The following FHIT variants were observed in gnomAD, a reference collection of about 807,000 sequenced individuals.
FHIT encodes bis(5'-adenosyl)-triphosphatase.
FHIT carries 19 observed loss-of-function variants against 17.9 expected under a neutral mutation model. That is an observed-to-expected ratio of 1.06 (90% confidence interval 0.74 to 1.56). The LOEUF (loss-of-function observed/expected upper bound fraction) is 1.56. Among genes scored for constraint, FHIT ranks in the 40% most tolerant of loss-of-function variants. FHIT has a pLI of 0.00. For missense variants in FHIT, 248 were observed against 189.2 expected, an observed-to-expected ratio of 1.31 and a Z score of -1.82; for synonymous variants, 81 against 69.7, an observed-to-expected ratio of 1.16 and a Z score of -0.81.
At chr3:60,502,247 A>C (rs879915585) in intron 5 of FHIT, among the ~76,000 whole-genome samples, 5 of 152,158 alleles carry the variant, frequency 3.3e-5, no homozygotes, top group Admixed American at 3.3e-4. Flanking sequence ...TAATCCCAGC[A>C]GCCTGGGAAA....
intron 5 of FHIT, among the ~76,000 whole-genome samples, chr3:60,245,211 C>A (rs1705331323): frequency 2.6e-5 from 4 of 151,978 alleles, no homozygotes; most frequent in Admixed American, 2.6e-4. Context: ...TACTTTATAT[C>A]TAAAATTATC....
intron 5 of FHIT, among the ~76,000 whole-genome samples, chr3:60,518,530 T>A (rs1244556992): frequency 2.0e-5 from 3 of 152,226 alleles, no homozygotes; most frequent in Non-Finnish European, 4.4e-5. Context: ...AACTTCCGAA[T>A]GTTCATCCAT....
chr3:60,937,486 A>G (rs1263697345), intron 3 of FHIT, among the ~76,000 whole-genome samples: 1 of 151,760 alleles, frequency 6.6e-6, no homozygotes, highest in Non-Finnish European at 1.5e-5. Context: ...TGATGAGAAA[A>G]ATATGTGAGC....
intron 8 of FHIT, among the ~76,000 whole-genome samples, chr3:59,756,439 G>GTCAA (rs1701223486): frequency 6.6e-6 from 1 of 152,084 alleles, no homozygotes; most frequent in South Asian, 2.1e-4. Flanking sequence ...TGTGGTGGAG[G>GTCAA]TCAAAGGTAG....
At chr3:60,367,726 A>C (rs567880993) in intron 5 of FHIT, among the ~76,000 whole-genome samples, 2 of 152,306 alleles carry the variant, frequency 1.3e-5, no homozygotes, top group African/African-American at 4.8e-5. Flanking sequence ...ACAGTGGATG[A>C]ATTTTAACAA....
chr3:60,324,766 T>A (rs1709607121), intron 5 of FHIT, among the ~76,000 whole-genome samples: 1 of 152,164 alleles, frequency 6.6e-6, no homozygotes, highest in Non-Finnish European at 1.5e-5. Context: ...GCTCTTTGCT[T>A]CCTTTAAGGT....
chr3:60,508,241 G>A (rs934864017), intron 5 of FHIT, among the ~76,000 whole-genome samples: 9 of 152,156 alleles, frequency 5.9e-5, no homozygotes, highest in African/African-American at 1.4e-4. Flanking sequence ...GATCAGCACT[G>A]TGAATACAGT....
intron 8 of FHIT, among the ~76,000 whole-genome samples, chr3:59,773,268 G>A (rs1337065647): frequency 6.6e-6 from 1 of 152,142 alleles, no homozygotes; most frequent in African/African-American, 2.4e-5. Context: ...GGGTGACCCG[G>A]AAAATAAGCA....
At chr3:60,951,744 G>C (rs1708894088) in intron 3 of FHIT, among the ~76,000 whole-genome samples, 1 of 152,202 alleles carries the variant, frequency 6.6e-6, no homozygotes. Flanking sequence ...TATTTAAGGA[G>C]AATGATCTAG....
chr3:59,892,043 T>C (rs193185697), intron 8 of FHIT, among the ~76,000 whole-genome samples: 1 of 152,354 alleles, frequency 6.6e-6, no homozygotes, highest in East Asian at 1.9e-4. Flanking sequence ...TGTAAAATAA[T>C]AGTCCATCTA....
chr3:60,380,110 T>G (rs1700735832), intron 5 of FHIT, among the ~76,000 whole-genome samples: 1 of 152,368 alleles, frequency 6.6e-6, no homozygotes, highest in African/African-American at 2.4e-5. Context: ...TGTTTGTCCC[T>G]TTCAAATTTC....
At chr3:60,226,493 A>AAAAAAC (rs200934161) in intron 5 of FHIT, among the ~76,000 whole-genome samples, 2 of 147,058 alleles carry the variant, frequency 1.4e-5, no homozygotes, top group African/African-American at 5.3e-5. Flanking sequence ...AAAAAAAAAA[A>AAAAAAC]ACACTGCCTG....
rs142433143 is a variant in FHIT, at chr3:60,631,814, G to A, written c.-17-94835C>T. ...CCATCTTAATGCTATTTTAAAATCCGACTCTCATTTGCATGGAAAACAATA... is the reference window on the plus strand; with the variant it reads ...CCATCTTAATGCTATTTTAAAATCCAACTCTCATTTGCATGGAAAACAATA... On this transcript the variant is annotated intron_variant, in intron 4 of 9. Coordinates refer to ENST00000492590, the MANE Select transcript of FHIT (RefSeq NM_002012.4). Among the ~76,000 whole-genome samples, 22 of 152,202 alleles carry A rather than the reference G, an allele frequency of 1.4e-4. No individual in the cohort carries two copies. The East Asian group carries it at 2.3e-3, about 16-fold the overall frequency.
intron 4 of FHIT, among the ~76,000 whole-genome samples, chr3:60,726,414 T>A (rs1553709581): frequency 6.6e-6 from 1 of 152,190 alleles, no homozygotes; most frequent in East Asian, 1.9e-4. Flanking sequence ...CGTGTGTTTG[T>A]CTATAGGGCA....
At chr3:60,295,490 T>A (rs1708166341) in intron 5 of FHIT, among the ~76,000 whole-genome samples, 3 of 151,882 alleles carry the variant, frequency 2.0e-5, no homozygotes. Context: ...GCCAGGTAGT[T>A]TTTGAGCAAC....
chr3:60,556,693 G>C (rs2036750761), intron 4 of FHIT, among the ~76,000 whole-genome samples: 1 of 152,220 alleles, frequency 6.6e-6, no homozygotes, highest in South Asian at 2.1e-4. Context: ...ATGAGGGCCT[G>C]GGGTGGGTTT....
At chr3:60,616,688 A>G (rs797027772) in intron 4 of FHIT, 1 of 152,374 alleles carries the variant, frequency 6.6e-6, no homozygotes, top group African/African-American at 2.4e-5. Flanking sequence ...GATCTAAGAA[A>G]AAGGAAAGCT....
At chr3:60,143,298 T>C (rs1700114746) in intron 5 of FHIT, among the ~76,000 whole-genome samples, 3 of 152,158 alleles carry the variant, frequency 2.0e-5, no homozygotes, top group Admixed American at 2.0e-4. Context: ...CAGTCAAAGC[T>C]TGGTCCTAGG....
intron 4 of FHIT, among the ~76,000 whole-genome samples, chr3:60,583,549 C>T (rs2037814106): frequency 6.6e-6 from 1 of 152,064 alleles, no homozygotes; most frequent in Non-Finnish European, 1.5e-5. Flanking sequence ...TATTTATGGT[C>T]ACTAAAACTT....
Sources: allele counts gnomAD v4.1 joint callset (sites outside exome capture counted in the v4.1 genomes callset), GRCh38; gene constraint gnomAD v4.1.1; transcripts MANE v1.5; gene names NCBI Gene and HGNC (gene_info 2026-07-23, HGNC 2026-07-21).